Variants in LCOR observed in about 807,000 individuals in gnomAD.
LCOR encodes ligand-dependent corepressor.
Under a neutral mutation model 64.4 loss-of-function variants are expected in LCOR, and 14 were observed. The ratio of observed to expected loss-of-function variants is 0.22; its 90% CI spans 0.14 to 0.34. The LOEUF is 0.34. Among genes scored for constraint, LCOR ranks in the 10% least tolerant of loss-of-function variants. The probability of loss-of-function intolerance (pLI) is 1.00; values close to 1 mark genes in which losing one functional copy is unlikely to be tolerated. For synonymous variants in LCOR, 643 were observed against 642.5 expected, an observed-to-expected ratio of 1.00 and a Z score of -0.01; for missense variants, 1,686 against 1,765.3, an observed-to-expected ratio of 0.96 and a Z score of 0.80.
intron 4 of LCOR, among the ~76,000 whole-genome samples, chr10:96,931,160 C>A (rs954494960): frequency 1.2e-4 from 18 of 151,448 alleles, no homozygotes; most frequent in African/African-American, 4.4e-4. Flanking sequence ...TGGAAAATAT[C>A]TCAGCCCATT....
intron 4 of LCOR, among the ~76,000 whole-genome samples, chr10:96,939,464 A>G (rs553841547): frequency 6.6e-6 from 1 of 152,366 alleles, no homozygotes; most frequent in East Asian, 1.9e-4. Flanking sequence ...CAAAAGCACA[A>G]GTGACCAAAA....
chr10:96,971,235 TTGAACTCA>T, intron 7 of LCOR, among the ~76,000 whole-genome samples: 1 of 152,260 alleles, frequency 6.6e-6, no homozygotes, highest in Non-Finnish European at 1.5e-5. Context: ...CCCTGCCTCG[TTGAACTCA>T]TTTTTTTTGA....
intron 2 of LCOR, among the ~76,000 whole-genome samples, chr10:96,901,886 C>T (rs916458261): frequency 6.6e-6 from 1 of 152,172 alleles, no homozygotes; most frequent in African/African-American, 2.4e-5. Context: ...CTTACCACGT[C>T]AGCCTCCCGG....
At chr10:96,918,994 G>A (rs549063422) in intron 4 of LCOR, among the ~76,000 whole-genome samples, 4 of 152,264 alleles carry the variant, frequency 2.6e-5, no homozygotes, top group East Asian at 3.9e-4. Context: ...CTAGCAGTGC[G>A]TTAAGTATAA....
At chr10:96,937,013 G>A (rs1489192841) in intron 4 of LCOR, among the ~76,000 whole-genome samples, 1 of 152,138 alleles carries the variant, frequency 6.6e-6, no homozygotes, top group African/African-American at 2.4e-5. Flanking sequence ...GGTAACTGTG[G>A]AAAGCAAAAC....
intron 2 of LCOR, among the ~76,000 whole-genome samples, chr10:96,864,087 C>T (rs899976747): frequency 2.5e-4 from 38 of 152,124 alleles, no homozygotes; most frequent in African/African-American, 8.4e-4. Flanking sequence ...TGAACCTTAT[C>T]GCCTAATTTC....
chr10:96,980,115 G>A (rs1848071246), intron 7 of LCOR, among the ~76,000 whole-genome samples: 1 of 152,124 alleles, frequency 6.6e-6, no homozygotes, highest in Non-Finnish European at 1.5e-5. Context: ...CTGCATTCCA[G>A]CCTGGGCGAC....
chr10:96,931,020 T>C lies in LCOR; in HGVS notation c.-183-13093T>C, dbSNP rs367547984. ...ATTTGAAAATGTATTTTAGATACTT[T>C]ATAGCCCTTCCTAGAAAACATAATA... On this transcript the variant is annotated intron_variant, in intron 4 of 7. Transcript: ENST00000421806. Among the ~76,000 whole-genome samples, 59 of 152,322 alleles carry C rather than the reference T, an allele frequency of 3.9e-4. 1 individual carries two copies. In the South Asian group the frequency reaches 0.01, roughly 27 times the overall value.
chr10:96,965,753 A>G (rs1286547504), intron 7 of LCOR, among the ~76,000 whole-genome samples: 1 of 151,790 alleles, frequency 6.6e-6, no homozygotes, highest in Non-Finnish European at 1.5e-5. Flanking sequence ...TTAGTACTAC[A>G]GACTTGTTCT....
intron 7 of LCOR, among the ~76,000 whole-genome samples, chr10:96,965,661 CAAAAAAAAAA>C (rs755222216): frequency 1.5e-5 from 1 of 65,300 alleles, no homozygotes; most frequent in Non-Finnish European, 3.2e-5. Context: ...GACTCTGTCT[CAAAAAAAAAA>C]AAAAAAAAAA....
At chr10:96,880,949 A>G (rs1257022476) in intron 2 of LCOR, among the ~76,000 whole-genome samples, 3 of 152,272 alleles carry the variant, frequency 2.0e-5, no homozygotes, top group Non-Finnish European at 2.9e-5. Context: ...TTGAAGATGC[A>G]TAAGAAAAAT....
intron 6 of LCOR, 47 bp downstream of exon 6, chr10:96,949,342 C>T: frequency 1.3e-6 from 2 of 1,532,364 alleles, no homozygotes; most frequent in Admixed American, 1.9e-5. Context: ...GAATACTTTA[C>T]TTTGGGGAGA....
chr10:96,963,733 C>G (rs997027138), intron 7 of LCOR: 2 of 152,162 alleles, frequency 1.3e-5, no homozygotes, highest in African/African-American at 4.8e-5. Context: ...AATGTTAAGA[C>G]TTGCCTCTTT....
chr10:96,972,024 T>G (rs1382072505), intron 7 of LCOR, among the ~76,000 whole-genome samples: 2 of 152,028 alleles, frequency 1.3e-5, no homozygotes, highest in Non-Finnish European at 2.9e-5. Context: ...TAGCCTTGAG[T>G]GTTTCTAGAG....
In LCOR at chr10:96,993,741, G is replaced by A. The variant is rs1468250275; in HGVS notation, c.*8607G>A. On this transcript the variant is annotated 3_prime_UTR_variant, in exon 8 of 8. Coordinates refer to ENST00000421806, the MANE Select transcript of LCOR (RefSeq NM_001346516.2). ...CTGCCCCCTCTTCTCATCTGGTTATGTTATATTATATATATATATTATATA... is the reference window on the plus strand; with the variant it reads ...CTGCCCCCTCTTCTCATCTGGTTATATTATATTATATATATATATTATATA... The A allele has an allele frequency of 6.8e-6, 1 of 147,306 alleles. No individual in the cohort carries two copies. Among genetic ancestry groups the A allele is most frequent in the Non-Finnish European group, 1.5e-5 (1 of 67,282 alleles). 9.1% of individuals were successfully genotyped at this position (147,306 alleles called of 1,614,324 possible).
At chr10:96,838,171 A>AT (rs1039004317) in intron 2 of LCOR, among the ~76,000 whole-genome samples, 5 of 151,990 alleles carry the variant, frequency 3.3e-5, no homozygotes, top group African/African-American at 9.7e-5. Flanking sequence ...CATACCTTGA[A>AT]TTTTTTTTCA....
chr10:96,936,968 T>C (rs1847361863), intron 4 of LCOR, among the ~76,000 whole-genome samples: 1 of 152,250 alleles, frequency 6.6e-6, no homozygotes, highest in Admixed American at 6.5e-5. Context: ...ATATTCTCTC[T>C]CTTTTCTCAA....
At chr10:96,957,398 G>GC in intron 7 of LCOR, 2 of 985,062 alleles carry the variant, frequency 2.0e-6, no homozygotes, top group Non-Finnish European at 2.4e-6. Flanking sequence ...TTTATTTTCT[G>GC]CGGTTTTTGC....
intron 2 of LCOR, among the ~76,000 whole-genome samples, chr10:96,885,438 G>C (rs1431002424): frequency 6.6e-6 from 1 of 152,020 alleles, no homozygotes; most frequent in Non-Finnish European, 1.5e-5. Flanking sequence ...CTGGAGTGCA[G>C]TGGCATGATC....
Sources: gnomAD v4.1 joint callset for allele counts (sites outside exome capture counted in the v4.1 genomes callset) on GRCh38, gnomAD v4.1.1 for gene constraint, MANE v1.5 for transcripts, NCBI Gene and HGNC (gene_info 2026-07-23, HGNC 2026-07-21) for gene names.